PDZD8: variants seen among roughly 807,000 people sequenced by gnomAD.
PDZD8 encodes PDZ domain-containing protein 8.
In PDZD8, 14 loss-of-function variants were observed where a neutral mutation model predicts 85.8. That is an observed-to-expected ratio of 0.16 (90% confidence interval 0.11 to 0.26). The LOEUF (loss-of-function observed/expected upper bound fraction) is 0.26. Among genes scored for constraint, PDZD8 ranks in the 10% least tolerant of loss-of-function variants. The probability of loss-of-function intolerance (pLI) is 1.00; values close to 1 mark genes in which losing one functional copy is unlikely to be tolerated. For synonymous variants in PDZD8, 592 were observed against 568.6 expected (o/e 1.04, Z -0.59); for missense variants, 1,197 against 1,424.3 (o/e 0.84, Z 2.57).
chr10:117,343,302 G>A (rs1190885034), intron 1 of PDZD8, among the ~76,000 whole-genome samples: 1 of 152,128 alleles, frequency 6.6e-6, no homozygotes, highest in African/African-American at 2.4e-5. Context: ...GGACACAGGC[G>A]ATGCTCAGTG....
intron 1 of PDZD8, among the ~76,000 whole-genome samples, chr10:117,369,986 C>T (rs2133893690): frequency 6.6e-6 from 1 of 152,242 alleles, no homozygotes; most frequent in East Asian, 1.9e-4. Flanking sequence ...CTAAACAGAG[C>T]TCCCCACCCA....
At chr10:117,342,655 T>C (rs1390210044) in intron 1 of PDZD8, among the ~76,000 whole-genome samples, 1 of 152,156 alleles carries the variant, frequency 6.6e-6, no homozygotes, top group Non-Finnish European at 1.5e-5. Flanking sequence ...TTTTTGTATT[T>C]TTAGCAGAGA....
intron 1 of PDZD8, among the ~76,000 whole-genome samples, chr10:117,344,548 C>T (rs777168764): frequency 7.9e-5 from 12 of 152,240 alleles, no homozygotes; most frequent in East Asian, 5.8e-4. Context: ...CCACCACACC[C>T]GGCTATTTTT....
intron 2 of PDZD8, among the ~76,000 whole-genome samples, chr10:117,336,396 G>A (rs1418319653): frequency 6.6e-6 from 1 of 152,108 alleles, no homozygotes; most frequent in Non-Finnish European, 1.5e-5. Flanking sequence ...CTCTGAAGAG[G>A]TCTATGAATA....
At chr10:117,349,651 A>C (rs1275633908) in intron 1 of PDZD8, among the ~76,000 whole-genome samples, 1 of 151,990 alleles carries the variant, frequency 6.6e-6, no homozygotes, top group Non-Finnish European at 1.5e-5. Flanking sequence ...AAAAATACAA[A>C]AACCAGCTGG....
Position 117,374,471 on chromosome 10 carries a change from A to G in PDZD8, c.757T>C (p.Phe253Leu). The G allele has an allele frequency of 3.1e-6, 5 of 1,614,144 alleles. No homozygotes were observed. Among genetic ancestry groups the G allele is most frequent in the Non-Finnish European group, 4.2e-6 (5 of 1,180,004 alleles). The change falls in exon 1 of 5, where the codon TTC becomes CTC. Residue 253 changes from phenylalanine to leucine, a missense_variant. By Grantham distance (22) the Phe-to-Leu change is conservative. This residue lies in a region of PDZD8 where 344 missense variants were observed against 453.6 expected (regional missense o/e 0.76). Coordinates refer to ENST00000334464, the MANE Select transcript of PDZD8 (RefSeq NM_173791.5). The surrounding 1 kb of genome is among the most constrained non-coding windows in gnomAD (Gnocchi z 7.8). Reference protein sequence around the residue: ...FSFVEDPLIDFEVRSQFEGRP... With the variant: ...FSFVEDPLIDLEVRSQFEGRP... ...CCTTCAAACTGGGAGCGCACCTCGA[A>G]GTCGATCAGCGGGTCTTCCACGAAG... is the stretch of plus-strand genomic sequence containing the variant.
intron 4 of PDZD8, among the ~76,000 whole-genome samples, chr10:117,287,334 G>A (rs1192704293): frequency 6.6e-6 from 1 of 151,904 alleles, no homozygotes; most frequent in Non-Finnish European, 1.5e-5. Flanking sequence ...ACCAAAGTTT[G>A]CCACTAGTTC....
intron 1 of PDZD8, among the ~76,000 whole-genome samples, chr10:117,355,004 G>A (rs369166224): frequency 6.6e-6 from 1 of 152,232 alleles, no homozygotes; most frequent in South Asian, 2.1e-4. Flanking sequence ...ACAAAACTAA[G>A]TGTAAGCCAG....
intron 2 of PDZD8, among the ~76,000 whole-genome samples, chr10:117,339,549 G>A (rs2133844083): frequency 6.6e-6 from 1 of 152,238 alleles, no homozygotes; most frequent in East Asian, 1.9e-4. Flanking sequence ...ATAACCTGTG[G>A]GCTATCAAGG....
At chr10:117,342,117 C>T (rs1000813552) in intron 1 of PDZD8, among the ~76,000 whole-genome samples, 19 of 152,268 alleles carry the variant, frequency 1.2e-4, no homozygotes, top group African/African-American at 4.6e-4. Flanking sequence ...TATATAACAC[C>T]TCAGTTACCT....
intron 2 of PDZD8, among the ~76,000 whole-genome samples, chr10:117,319,849 T>C (rs1844199612): frequency 6.6e-6 from 1 of 152,082 alleles, no homozygotes. Flanking sequence ...AGAACAGCTT[T>C]AACACTAACG....
intron 1 of PDZD8, among the ~76,000 whole-genome samples, chr10:117,351,846 C>T (rs1272934570): frequency 6.6e-6 from 1 of 151,998 alleles, no homozygotes; most frequent in Non-Finnish European, 1.5e-5. Flanking sequence ...GGCTACCACA[C>T]CCAGTTATTT....
chr10:117,314,051 A>G (rs1234652013), intron 3 of PDZD8: 4 of 152,210 alleles, frequency 2.6e-5, no homozygotes, highest in Admixed American at 6.5e-5. Flanking sequence ...TAATCAAACA[A>G]GTAGAGATCT....
rs1324004968 is a variant in PDZD8 at position 117,305,515 on chromosome 10, C to CACAT, written c.1098+13356_1098+13357insATGT. Among the ~76,000 whole-genome samples, 307 of 136,006 alleles carry CACAT rather than the reference C, an allele frequency of 2.3e-3. 2 individuals carry two copies. The highest frequency in any genetic ancestry group is 7.6e-3 in the African/African-American group (289 of 38,138). The allele number at this position is 136,006 out of a possible 152,430, so 89.2% of individuals were successfully genotyped here. A position where few individuals can be genotyped will look rare whatever the true frequency, so the allele number is the denominator to read the frequency against. ...ACACACACACACACACACACACACA[C>CACAT]ATATATGGAGAGAGAGAGAGATATT... On this transcript the variant is annotated intron_variant, in intron 3 of 4. Transcript: ENST00000334464.
chr10:117,369,875 CA>C (rs1318771557), intron 1 of PDZD8, among the ~76,000 whole-genome samples: 1 of 151,998 alleles, frequency 6.6e-6, no homozygotes, highest in Non-Finnish European at 1.5e-5. Context: ...CAGTGCAGGC[CA>C]AATTAAAAGT....
rs3026073 is a variant in PDZD8 at position 117,288,240 on chromosome 10, C to T, written c.1261+1946G>A. ...ATATACCCATATAAATGAATCAAAG[C>T]GATATAAAAATGTTTTGAAAAATAT... On this transcript the variant is annotated intron_variant, in intron 4 of 4. Transcript: ENST00000334464. Among the ~76,000 whole-genome samples, 592 of 151,838 alleles carry T rather than the reference C, an allele frequency of 3.9e-3. 4 individuals carry two copies. Among genetic ancestry groups the T allele is most frequent in the African/African-American group, 0.013 (558 of 41,386 alleles).
At chr10:117,352,851 G>A (rs989700971) in intron 1 of PDZD8, among the ~76,000 whole-genome samples, 8 of 152,116 alleles carry the variant, frequency 5.3e-5, no homozygotes, top group African/African-American at 1.7e-4. Context: ...TTCAAAGCTC[G>A]TAGGGGAAGG....
chr10:117,373,532 C>T (rs1291288830), intron 1 of PDZD8, among the ~76,000 whole-genome samples: 1 of 141,156 alleles, frequency 7.1e-6, no homozygotes, highest in East Asian at 2.1e-4. Context: ...CCGAGGCAGG[C>T]GGATTACTTG....
intron 1 of PDZD8, among the ~76,000 whole-genome samples, chr10:117,366,964 T>C (rs548711487): frequency 6.6e-6 from 1 of 152,208 alleles, no homozygotes; most frequent in African/African-American, 2.4e-5. Flanking sequence ...GCTCATATGA[T>C]AGATTGTTAG....
Sources: gnomAD v4.1 joint callset for allele counts (sites outside exome capture counted in the v4.1 genomes callset) on GRCh38, gnomAD v4.1.1 for gene constraint, gnomAD v4.1.1 regional missense constraint, Gnocchi (gnomAD v3.1) non-coding constraint, MANE v1.5 for transcripts, NCBI Gene and HGNC (gene_info 2026-07-23, HGNC 2026-07-21) for gene names.